Variants in SLCO5A1 observed in about 807,000 individuals in gnomAD.
The protein encoded by SLCO5A1 is organic anion transporter polypeptide-related protein 4.
SLCO5A1 carries 39 observed loss-of-function variants against 65.1 expected under a neutral mutation model. That is an observed-to-expected ratio of 0.60 (90% CI 0.46 to 0.78). The LOEUF is 0.78. Among genes scored for constraint, SLCO5A1 ranks in the 30% least tolerant of loss-of-function variants. The probability of loss-of-function intolerance (pLI) is 0.00; values close to 1 mark genes in which losing one functional copy is unlikely to be tolerated. For synonymous variants in SLCO5A1, 438 were observed against 415.7 expected, an observed-to-expected ratio of 1.05 and a Z score of -0.65; for missense variants, 1,029 against 1,069.4, an observed-to-expected ratio of 0.96 and a Z score of 0.53.
In SLCO5A1 at chr8:69,747,796, G is replaced by A. The variant is rs539429842; in HGVS notation, c.1258+7628C>T. Among the ~76,000 whole-genome samples the A allele has an allele frequency of 1.1e-4, 16 of 152,218 alleles. No homozygotes were observed. In the East Asian group the frequency reaches 2.3e-3, roughly 22 times the overall value. ...AAAAAGCTGGTGAAAAAATATGATC[G>A]TCCTGCAGTGAAAACCTTAGTAACT... is the stretch of plus-strand genomic sequence containing the variant. On this transcript the variant is annotated intron_variant, in intron 4 of 9. Coordinates refer to ENST00000260126, the MANE Select transcript of SLCO5A1 (RefSeq NM_030958.3).
At chr8:69,750,586 T>C (rs1329003883) in intron 4 of SLCO5A1, among the ~76,000 whole-genome samples, 1 of 152,140 alleles carries the variant, frequency 6.6e-6, no homozygotes, top group African/African-American at 2.4e-5. Context: ...CAAATACATC[T>C]ACACAGTCCC....
intron 2 of SLCO5A1, among the ~76,000 whole-genome samples, chr8:69,805,326 C>A (rs1466010033): frequency 6.6e-6 from 1 of 152,010 alleles, no homozygotes; most frequent in Non-Finnish European, 1.5e-5. Flanking sequence ...CTACTGAATC[C>A]CCTGAAATCC....
chr8:69,685,038 G>A (rs1038159834), intron 6 of SLCO5A1, among the ~76,000 whole-genome samples: 6 of 152,194 alleles, frequency 3.9e-5, no homozygotes, highest in Non-Finnish European at 8.8e-5. Flanking sequence ...TTTCTTATGA[G>A]ATCATGGTGT....
chr8:69,721,700 A>C (rs899877691), intron 5 of SLCO5A1, among the ~76,000 whole-genome samples: 3 of 152,198 alleles, frequency 2.0e-5, no homozygotes, highest in African/African-American at 7.2e-5. Flanking sequence ...TATTTATAGA[A>C]ACTTACTTCA....
chr8:69,824,313 C>A (rs1016402696), intron 2 of SLCO5A1, among the ~76,000 whole-genome samples: 11 of 152,004 alleles, frequency 7.2e-5, no homozygotes, highest in African/African-American at 2.4e-4. Flanking sequence ...ACAAAAAACC[C>A]TTCAAAAAAT....
intron 2 of SLCO5A1, among the ~76,000 whole-genome samples, chr8:69,805,628 C>T (rs1443413938): frequency 6.6e-6 from 1 of 152,134 alleles, no homozygotes; most frequent in Non-Finnish European, 1.5e-5. Flanking sequence ...TATAAAATTA[C>T]AAAAAGACTT....
chr8:69,770,563 T>G (rs1000907936), intron 2 of SLCO5A1, among the ~76,000 whole-genome samples: 1 of 152,324 alleles, frequency 6.6e-6, no homozygotes, highest in East Asian at 1.9e-4. Flanking sequence ...CTGTGTACTT[T>G]CGTGGAGTTA....
At chr8:69,779,204 G>A (rs1452111306) in intron 2 of SLCO5A1, among the ~76,000 whole-genome samples, 1 of 152,042 alleles carries the variant, frequency 6.6e-6, no homozygotes, top group Admixed American at 6.6e-5. Flanking sequence ...TCAGCAAAAT[G>A]TTTGCATACA....
rs962046230 is a variant in SLCO5A1 at position 69,748,829 on chromosome 8, G to A, written c.1258+6595C>T. Among the ~76,000 whole-genome samples, 6 of 152,238 alleles carry A rather than the reference G, an allele frequency of 3.9e-5. No individual in the cohort carries two copies. The East Asian group carries it at 5.8e-4, about 15-fold the overall frequency. The stretch of plus-strand genomic sequence containing the variant: ...GGCCGCACTCCAGACCTACTGAATC[G>A]GAGACTGTGGACTGGGGCCTAAAGA... On this transcript the variant is annotated intron_variant, in intron 4 of 9. Coordinates refer to ENST00000260126, the MANE Select transcript of SLCO5A1 (RefSeq NM_030958.3).
At chr8:69,719,562 A>G (rs1815721407) in intron 5 of SLCO5A1, 2 of 152,280 alleles carry the variant, frequency 1.3e-5, no homozygotes, top group East Asian at 3.8e-4. Context: ...GAATTGCTGT[A>G]TTAACCAAGG....
chr8:69,790,656 T>TA (rs542124710), intron 2 of SLCO5A1, among the ~76,000 whole-genome samples: 199 of 150,126 alleles, frequency 1.3e-3, no homozygotes, highest in African/African-American at 3.9e-3. Context: ...ATCTCTAAAA[T>TA]AAAAAAAAAG....
intron 4 of SLCO5A1, among the ~76,000 whole-genome samples, chr8:69,743,483 C>G (rs887088532): frequency 1.3e-5 from 2 of 152,158 alleles, no homozygotes; most frequent in Non-Finnish European, 2.9e-5. Context: ...TCCCGAGTAA[C>G]TAGTACTACA....
At chr8:69,817,310 G>A (rs1016841506) in intron 2 of SLCO5A1, among the ~76,000 whole-genome samples, 1 of 152,158 alleles carries the variant, frequency 6.6e-6, no homozygotes, top group Non-Finnish European at 1.5e-5. Context: ...TTCATGTTGT[G>A]TGTCAGACTT....
chr8:69,752,317 A>G (rs147301162), intron 4 of SLCO5A1, among the ~76,000 whole-genome samples: 2 of 152,284 alleles, frequency 1.3e-5, no homozygotes, highest in African/African-American at 4.8e-5. Context: ...AGGATCTGGG[A>G]CTCAAACTCA....
At chr8:69,747,473 A>G (rs1459695177) in intron 4 of SLCO5A1, among the ~76,000 whole-genome samples, 1 of 152,222 alleles carries the variant, frequency 6.6e-6, no homozygotes, top group Non-Finnish European at 1.5e-5. Flanking sequence ...AGACTTTTTT[A>G]TTATCCTTAT....
Position 69,672,982 on chromosome 8 carries a change from T to TA in SLCO5A1, c.2433_2434insT (p.Lys812Ter), listed in dbSNP as rs756532512. 2.5e-6 allele frequency: 4 copies of TA among 1,614,072 alleles called. No individual in the cohort carries two copies. Among genetic ancestry groups the TA allele is most frequent in the African/African-American group, 1.3e-5 (1 of 74,936 alleles). On this transcript the variant is annotated frameshift_variant, in exon 10 of 10. Coordinates refer to ENST00000260126, the MANE Select transcript of SLCO5A1 (RefSeq NM_030958.3). LOFTEE classifies it high-confidence loss of function. ...GTCTGTGCTGCGCACTGGATCCCTT[T>TA]TTGCAGGCCAGTCTCTTCGTGGAAT...
intron 2 of SLCO5A1, among the ~76,000 whole-genome samples, chr8:69,762,665 T>C (rs1012789234): frequency 6.6e-6 from 1 of 152,188 alleles, no homozygotes; most frequent in Non-Finnish European, 1.5e-5. Context: ...AGCTAGAAGA[T>C]TCTAGCACGA....
chr8:69,798,873 C>T (rs1298132276), intron 2 of SLCO5A1, among the ~76,000 whole-genome samples: 1 of 152,166 alleles, frequency 6.6e-6, no homozygotes, highest in Non-Finnish European at 1.5e-5. Flanking sequence ...TGGATAAATC[C>T]TAACTTTTAT....
At chr8:69,827,456 T>C (rs1415758763) in intron 2 of SLCO5A1, among the ~76,000 whole-genome samples, 1 of 152,246 alleles carries the variant, frequency 6.6e-6, no homozygotes, top group African/African-American at 2.4e-5. Flanking sequence ...GTATCTCATC[T>C]ACGACCACAT....
Sources: allele counts gnomAD v4.1 joint callset (sites outside exome capture counted in the v4.1 genomes callset), GRCh38; gene constraint gnomAD v4.1.1; transcripts MANE v1.5; gene names NCBI Gene and HGNC (gene_info 2026-07-23, HGNC 2026-07-21).